GABRB3: variants seen among roughly 807,000 people sequenced by gnomAD.
GABRB3 encodes the protein gamma-aminobutyric acid receptor subunit beta-3.
In GABRB3, 14 loss-of-function variants were observed where a neutral mutation model predicts 52.1. That is an observed-to-expected ratio of 0.27 (90% CI 0.18 to 0.42). GABRB3 has a LOEUF of 0.42. Ranked by LOEUF, GABRB3 falls within the 10% of genes least tolerant of loss-of-function variation. The probability of loss-of-function intolerance (pLI) is 1.00; values close to 1 mark genes in which losing one functional copy is unlikely to be tolerated. For missense variants in GABRB3, 307 were observed against 609.1 expected, an observed-to-expected ratio of 0.50 and a Z score of 5.22; for synonymous variants, 260 against 232.3, an observed-to-expected ratio of 1.12 and a Z score of -1.08.
chr15:26,549,371 C>T (rs1236419505), intron 8 of GABRB3, among the ~76,000 whole-genome samples: 2 of 152,036 alleles, frequency 1.3e-5, no homozygotes, highest in Non-Finnish European at 2.9e-5. Context: ...GGCTGTGACA[C>T]AGGAAGGGCT....
At chr15:26,671,018 A>C (rs1329156772) in intron 3 of GABRB3, among the ~76,000 whole-genome samples, 1 of 152,192 alleles carries the variant, frequency 6.6e-6, no homozygotes, top group Admixed American at 6.5e-5. Flanking sequence ...AGCTGGGATC[A>C]CAGGTGTGCA....
chr15:26,640,314 A>G (rs11853936), intron 3 of GABRB3, among the ~76,000 whole-genome samples: 90,651 of 151,934 alleles, frequency 0.6, 27,807 homozygotes, highest in African/African-American at 0.69. Flanking sequence ...TCAGGAGATC[A>G]AGACCATGGT....
intron 8 of GABRB3, chr15:26,549,978 T>C (rs1403140145): frequency 6.6e-6 from 1 of 152,230 alleles, no homozygotes; most frequent in East Asian, 1.9e-4. Context: ...AGCCCATTCA[T>C]TGCTCAGTAC....
chr15:26,579,371 T>A (rs182454239), intron 6 of GABRB3, among the ~76,000 whole-genome samples: 2 of 152,222 alleles, frequency 1.3e-5, no homozygotes, highest in African/African-American at 4.8e-5. Context: ...GTCAAGCAGG[T>A]TGAAAAGGCT....
rs1259634960 is a variant in GABRB3 at position 26,546,397 on chromosome 15, A to G, written c.*1396T>C. 6.6e-6 allele frequency: 1 copy of G among 152,468 alleles called. No homozygotes were observed. Among genetic ancestry groups the G allele is most frequent in the Non-Finnish European group, 1.5e-5 (1 of 68,016 alleles). The allele number at this position is 152,468 out of a possible 1,614,324, so 9.4% of individuals were successfully genotyped here. A position where few individuals can be genotyped will look rare whatever the true frequency, so the allele number is the denominator to read the frequency against. ...ACCTTGTCTTGTTTCTACGAGCTTT[A>G]AAAAGTCCAAATACTGATGAGGCTG... is the stretch of plus-strand genomic sequence containing the variant. On this transcript the variant is annotated 3_prime_UTR_variant, in exon 9 of 9. Coordinates refer to ENST00000311550, the MANE Select transcript of GABRB3 (RefSeq NM_000814.6).
intron 3 of GABRB3, among the ~76,000 whole-genome samples, chr15:26,678,110 C>T (rs1188459905): frequency 6.6e-6 from 1 of 152,170 alleles, no homozygotes; most frequent in Admixed American, 6.5e-5. Context: ...AGAGCAGAAC[C>T]ATGTGAGGGC....
chr15:26,751,094 A>ACTGC (rs1287638764), intron 3 of GABRB3, among the ~76,000 whole-genome samples: 2 of 152,202 alleles, frequency 1.3e-5, no homozygotes, highest in East Asian at 3.9e-4. Flanking sequence ...AGATTGAAGA[A>ACTGC]CTGCTAATGC....
rs141079262 is a variant in GABRB3 at position 26,554,634 on chromosome 15, C to T, written c.1080+6298G>A. ...GTGACCAAATCCATGACAAATAGCA[C>T]TCATTCATGGACAGATGTTACAAGA... On this transcript the variant is annotated intron_variant, in intron 8 of 8. Transcript: ENST00000311550. Among the ~76,000 whole-genome samples the T allele has an allele frequency of 6.4e-3, 981 of 152,260 alleles. 12 individuals carry two copies. The highest frequency in any genetic ancestry group is 0.022 in the African/African-American group (933 of 41,558).
intron 3 of GABRB3, among the ~76,000 whole-genome samples, chr15:26,626,887 A>G (rs2099728435): frequency 6.6e-6 from 1 of 152,260 alleles, no homozygotes; most frequent in South Asian, 2.1e-4. Context: ...GGTTACACTA[A>G]ACAACAGGTT....
chr15:26,764,184 AT>A (rs1890927907), intron 3 of GABRB3, among the ~76,000 whole-genome samples: 2 of 4,532 alleles, frequency 4.4e-4, no homozygotes, highest in African/African-American at 2.1e-3. Flanking sequence ...AAAAAAATAT[AT>A]ATATATATAT....
chr15:26,560,846 GA>G, intron 8 of GABRB3, 85 bp downstream of exon 8: 1 of 1,588,196 alleles, frequency 6.3e-7, no homozygotes, highest in African/African-American at 1.3e-5. Context: ...CACTACTGGG[GA>G]AAAAACAAAG....
At chr15:26,592,448 T>C (rs890787062) in intron 4 of GABRB3, among the ~76,000 whole-genome samples, 2 of 152,118 alleles carry the variant, frequency 1.3e-5, no homozygotes, top group Non-Finnish European at 2.9e-5. Flanking sequence ...AATGGAAGCA[T>C]AGAAAAAGCT....
chr15:26,676,772 C>T (rs73370113), intron 3 of GABRB3, among the ~76,000 whole-genome samples: 4,968 of 152,196 alleles, frequency 0.033, 258 homozygotes, highest in African/African-American at 0.11. Context: ...CACTAACAGA[C>T]CTAAGCATGA....
In GABRB3 at chr15:26,546,636, A is replaced by C. The variant is rs1024138413; in HGVS notation, c.*1157T>G. On this transcript the variant is annotated 3_prime_UTR_variant, in exon 9 of 9. Transcript: ENST00000311550. The stretch of plus-strand genomic sequence containing the variant: ...TGATTCTTAGTTTCTGAAATTGAAC[A>C]GTAGAAGTGTTTTAGCTTCAATCTT... 1 of 152,618 alleles carries C rather than the reference A, an allele frequency of 6.6e-6. No individual in the cohort carries two copies. The highest frequency in any genetic ancestry group is 6.5e-5 in the Admixed American group (1 of 15,272). The allele number at this position is 152,618 out of a possible 1,614,324, so 9.5% of individuals were successfully genotyped here.
intron 3 of GABRB3, among the ~76,000 whole-genome samples, chr15:26,686,890 G>T (rs1018320040): frequency 2.0e-5 from 3 of 152,384 alleles, no homozygotes; most frequent in African/African-American, 7.2e-5. Flanking sequence ...CCACAAAATG[G>T]AAGTTCTAGT....
At chr15:26,769,300 G>A (rs570538700) in intron 3 of GABRB3, among the ~76,000 whole-genome samples, 1 of 152,164 alleles carries the variant, frequency 6.6e-6, no homozygotes, top group Non-Finnish European at 1.5e-5. Flanking sequence ...AAAACCTGAG[G>A]AGAAAATTTC....
At chr15:26,561,994 T>G (rs1291560893) in intron 7 of GABRB3, among the ~76,000 whole-genome samples, 73 of 152,238 alleles carry the variant, frequency 4.8e-4, no homozygotes, top group Non-Finnish European at 5.9e-5. Context: ...ATTGTATGGA[T>G]GATCTCATTG....
At chr15:26,668,470 A>T (rs535689240) in intron 3 of GABRB3, among the ~76,000 whole-genome samples, 1 of 151,892 alleles carries the variant, frequency 6.6e-6, no homozygotes, top group Non-Finnish European at 1.5e-5. Context: ...ACCAAGGCTC[A>T]CTCTTCTTTT....
chr15:26,632,753 T>C (rs781484755), intron 3 of GABRB3, among the ~76,000 whole-genome samples: 1 of 152,214 alleles, frequency 6.6e-6, no homozygotes, highest in Non-Finnish European at 1.5e-5. Context: ...TTGGGAAAGT[T>C]ATCTAATTAT....
Sources: allele counts gnomAD v4.1 joint callset (sites outside exome capture counted in the v4.1 genomes callset), GRCh38; gene constraint gnomAD v4.1.1; transcripts MANE v1.5; gene names NCBI Gene and HGNC (gene_info 2026-07-23, HGNC 2026-07-21).